NDUFB3: variants seen among roughly 807,000 people sequenced by gnomAD.
The protein encoded by NDUFB3 is NADH:ubiquinone oxidoreductase subunit B3.
A neutral mutation model predicts 9.0 loss-of-function variants in NDUFB3; 7 were observed. That is an observed-to-expected ratio of 0.78 (90% CI 0.44 to 1.46). The LOEUF (loss-of-function observed/expected upper bound fraction) is 1.46, where lower values mean the gene tolerates loss of function less well. Among genes scored for constraint, NDUFB3 ranks in the 40% most tolerant of loss-of-function variants. The pLI is 0.01. For missense variants in NDUFB3, 93 were observed against 115.4 expected (o/e 0.81, Z 0.89); for synonymous variants, 29 against 38.5 (o/e 0.75, Z 0.91).
chr2:201,078,431 C>G (rs76655038), intron 1 of NDUFB3, among the ~76,000 whole-genome samples: 3 of 152,126 alleles, frequency 2.0e-5, no homozygotes, highest in Non-Finnish European at 4.4e-5. Flanking sequence ...TCTCATTGTC[C>G]TCATCTGTAA....
At position 201,076,512 on chromosome 2, in the gene NDUFB3, T is replaced by TATAA. The variant is rs1250913348; in HGVS notation, c.-2-2368_-2-2367insTAAA. Among the ~76,000 whole-genome samples, 7 of 134,418 alleles carry TATAA rather than the reference T, an allele frequency of 5.2e-5. 1 individual carries two copies. Among genetic ancestry groups the TATAA allele is most frequent in the African/African-American group, 2.0e-4 (7 of 35,476 alleles). The allele number at this position is 134,418 out of a possible 152,430, so 88.2% of individuals were successfully genotyped here. A position where few individuals can be genotyped will look rare whatever the true frequency, so the allele number is the denominator to read the frequency against. ...ATATATATATATATATATATATATA[T>TATAA]AATTAAATGTGAAAATCATCAACAT... is the stretch of plus-strand genomic sequence containing the variant. On this transcript the variant is annotated intron_variant, in intron 1 of 2. Coordinates refer to ENST00000237889, the MANE Select transcript of NDUFB3 (RefSeq NM_002491.3).
chr2:201,082,570 T>C (rs1271547501), intron 2 of NDUFB3, among the ~76,000 whole-genome samples: 2 of 152,166 alleles, frequency 1.3e-5, no homozygotes, highest in Non-Finnish European at 2.9e-5. Context: ...CAGCTTGAAT[T>C]ATTTTAATTT....
rs186034679 is a variant in NDUFB3 at position 201,082,085 on chromosome 2, G to A, written c.140+3063G>A. ...CCCACCTCAGCTTCCCAAAGCGCTGGGATTACAGGCATGAGCCACCGCGCC... is the reference window on the plus strand; with the variant it reads ...CCCACCTCAGCTTCCCAAAGCGCTGAGATTACAGGCATGAGCCACCGCGCC... On this transcript the variant is annotated intron_variant, in intron 2 of 2. Coordinates refer to ENST00000237889, the MANE Select transcript of NDUFB3 (RefSeq NM_002491.3). 1.3e-4 allele frequency among the ~76,000 whole-genome samples: 20 copies of A among 152,074 alleles called. 1 individual carries two copies. The highest frequency in any genetic ancestry group is 2.2e-4 in the Non-Finnish European group (15 of 67,992).
Position 201,082,871 on chromosome 2 carries a change from G to A in NDUFB3, c.141-2588G>A, listed in dbSNP as rs552762999. ...TGGGACTACAGGCGCCCGCCACCGCGCCCGGCTAATTTTTTGTATTTTTAG... is the reference window on the plus strand; with the variant it reads ...TGGGACTACAGGCGCCCGCCACCGCACCCGGCTAATTTTTTGTATTTTTAG... On this transcript the variant is annotated intron_variant, in intron 2 of 2. Transcript: ENST00000237889. Among the ~76,000 whole-genome samples the A allele has an allele frequency of 2.5e-3, 376 of 150,500 alleles. 3 individuals are homozygous for A. Among genetic ancestry groups the A allele is most frequent in the African/African-American group, 8.6e-3 (355 of 41,090 alleles).
intron 2 of NDUFB3, among the ~76,000 whole-genome samples, chr2:201,083,389 T>C (rs1191460577): frequency 6.6e-6 from 1 of 150,742 alleles, no homozygotes; most frequent in African/African-American, 2.4e-5. Flanking sequence ...AGTTTTGCTC[T>C]TGTTGCCCAG....
At chr2:201,073,719 C>G (rs142246292) in intron 1 of NDUFB3, among the ~76,000 whole-genome samples, 7,863 of 151,782 alleles carry the variant, frequency 0.052, 471 homozygotes, top group African/African-American at 0.14. Context: ...AGTGAGCCGA[C>G]ATTGCACCAC....
At chr2:201,075,911 A>T (rs1189532407) in intron 1 of NDUFB3, among the ~76,000 whole-genome samples, 1 of 152,228 alleles carries the variant, frequency 6.6e-6, no homozygotes, top group Non-Finnish European at 1.5e-5. Context: ...TTGCCAAAAT[A>T]AGGGTTTGTC....
intron 1 of NDUFB3, among the ~76,000 whole-genome samples, chr2:201,078,267 A>C (rs962905614): frequency 2.0e-5 from 3 of 152,026 alleles, no homozygotes; most frequent in Admixed American, 1.3e-4. Context: ...GCACCACTGC[A>C]CTCCAGCCTG....
At chr2:201,083,615 G>A (rs942827331) in intron 2 of NDUFB3, among the ~76,000 whole-genome samples, 1 of 152,006 alleles carries the variant, frequency 6.6e-6, no homozygotes, top group African/African-American at 2.4e-5. Flanking sequence ...CCAAAGTGCT[G>A]GGATTACAGG....
chr2:201,078,836 C>A (rs1285342236), intron 1 of NDUFB3, 45 bp from the exon 2 acceptor site: 2 of 1,555,012 alleles, frequency 1.3e-6, no homozygotes, highest in Admixed American at 2.0e-5. Flanking sequence ...TATTTGATAT[C>A]TACAATTTGC....
At chr2:201,080,834 G>C (rs2047214318) in intron 2 of NDUFB3, among the ~76,000 whole-genome samples, 1 of 149,456 alleles carries the variant, frequency 6.7e-6, no homozygotes, top group Non-Finnish European at 1.5e-5. Flanking sequence ...CTCCTAAATA[G>C]CTGGGACTAC....
intron 2 of NDUFB3, among the ~76,000 whole-genome samples, chr2:201,081,249 C>T (rs1399192307): frequency 6.6e-6 from 1 of 151,604 alleles, no homozygotes; most frequent in Non-Finnish European, 1.5e-5. Flanking sequence ...TTTGGGAGGC[C>T]GAGGCGGGTG....
intron 1 of NDUFB3, among the ~76,000 whole-genome samples, chr2:201,074,573 C>T (rs1308855745): frequency 1.3e-5 from 2 of 151,108 alleles, no homozygotes; most frequent in African/African-American, 4.9e-5. Flanking sequence ...TCTCATTCCT[C>T]AGCCTCCTGA....
At chr2:201,082,699 CTTTTTTTT>C (rs1170018569) in intron 2 of NDUFB3, among the ~76,000 whole-genome samples, 1 of 100,416 alleles carries the variant, frequency 1.0e-5, no homozygotes, top group Non-Finnish European at 1.9e-5. Context: ...GCTAAATTCA[CTTTTTTTT>C]TTTTTTTTTT....
chr2:201,075,636 G>A (rs943700559), intron 1 of NDUFB3, among the ~76,000 whole-genome samples: 3 of 151,592 alleles, frequency 2.0e-5, no homozygotes, highest in African/African-American at 7.3e-5. Flanking sequence ...AAATAATTAG[G>A]TAGAAGAGAA....
intron 2 of NDUFB3, 67 bp downstream of exon 2, chr2:201,079,089 A>G (rs2047197381): frequency 6.7e-7 from 1 of 1,492,876 alleles, no homozygotes; most frequent in Non-Finnish European, 9.0e-7. Flanking sequence ...TTGCTTTTCA[A>G]TGTATTCTCC....
At position 201,078,937 on chromosome 2, in the gene NDUFB3, T is replaced by G. The variant is rs772160306; in HGVS notation, c.55T>G (p.Tyr19Asp). The change falls in exon 2 of 3, where the codon TAT (tyrosine) becomes GAT (aspartate). Residue 19 changes from tyrosine to aspartate, a missense_variant. Coordinates refer to ENST00000237889, the MANE Select transcript of NDUFB3 (RefSeq NM_002491.3). ...HGHHKMELPD[Y>D]RQWKIEGTPL... is the part of the protein sequence containing the mutation. Reference sequence around the variant, plus strand: ...ACATCATAAAATGGAACTTCCAGATTATAGACAATGGAAGATAGAAGGGAC... The same window carrying G: ...ACATCATAAAATGGAACTTCCAGATGATAGACAATGGAAGATAGAAGGGAC... 32 of 1,613,160 alleles carry G rather than the reference T, an allele frequency of 2.0e-5. No individual in the cohort carries two copies. Among genetic ancestry groups the G allele is most frequent in the Non-Finnish European group, 2.6e-5 (31 of 1,179,722 alleles).
At chr2:201,072,680 G>T (rs1376241295) in intron 1 of NDUFB3, among the ~76,000 whole-genome samples, 1 of 151,946 alleles carries the variant, frequency 6.6e-6, no homozygotes, top group Non-Finnish European at 1.5e-5. Flanking sequence ...GCTCTGAAAC[G>T]GAAATAACCA....
Position 201,078,687 on chromosome 2 carries a change from G to A in NDUFB3, c.-2-194G>A, listed in dbSNP as rs1480981596. The stretch of plus-strand genomic sequence containing the variant: ...TTTTTCTTTTTTATATTTTGTGTAT[G>A]TGTATTTCCTAACTGTGAACATGGT... On this transcript the variant is annotated intron_variant, in intron 1 of 2. Transcript: ENST00000237889. Among the ~76,000 whole-genome samples the A allele has an allele frequency of 2.0e-5, 3 of 151,932 alleles. No individual in the cohort carries two copies. The East Asian group carries it at 5.8e-4, about 29-fold the overall frequency.
Sources: allele counts gnomAD v4.1 joint callset (sites outside exome capture counted in the v4.1 genomes callset), GRCh38; gene constraint gnomAD v4.1.1; transcripts MANE v1.5; gene names NCBI Gene and HGNC (gene_info 2026-07-23, HGNC 2026-07-21).